Variants in CSMD1 observed in about 807,000 individuals in gnomAD.
The protein encoded by CSMD1 is CUB and Sushi multiple domains 1, also known as CUB and sushi domain-containing protein 1.
CSMD1 carries 213 observed loss-of-function variants against 417.5 expected under a neutral mutation model. That is an observed-to-expected ratio of 0.51 (90% CI 0.46 to 0.57). The LOEUF (loss-of-function observed/expected upper bound fraction) is 0.57. Among genes scored for constraint, CSMD1 ranks in the 20% least tolerant of loss-of-function variants. The probability of loss-of-function intolerance (pLI) is 0.00; values close to 1 mark genes in which losing one functional copy is unlikely to be tolerated. For missense variants in CSMD1, 6,923 were observed against 4,529.7 expected (o/e 1.53, Z -15.17); for synonymous variants, 2,862 against 1,736.8 (o/e 1.65, Z -16.11).
In CSMD1 at chr8:4,759,978, G is replaced by A. The variant is rs369320927; in HGVS notation, c.86-122420C>T. Among the ~76,000 whole-genome samples the A allele has an allele frequency of 3.9e-5, 6 of 152,276 alleles. No individual in the cohort carries two copies. In the South Asian group the frequency reaches 1.2e-3, roughly 32 times the overall value. On this transcript the variant is annotated intron_variant, in intron 1 of 69. Coordinates refer to ENST00000635120, the MANE Select transcript of CSMD1 (RefSeq NM_033225.6). ...GTATTTCTGGTTTTAGAACTTTGAGGAATCACCACAGTGTCTTCCACAATG... is the reference window on the plus strand; with the variant it reads ...GTATTTCTGGTTTTAGAACTTTGAGAAATCACCACAGTGTCTTCCACAATG...
chr8:4,338,183 T>C (rs936657959), intron 3 of CSMD1, among the ~76,000 whole-genome samples: 5 of 152,150 alleles, frequency 3.3e-5, no homozygotes, highest in African/African-American at 1.2e-4. Context: ...TTGGTACTAA[T>C]GCAAGAGTTA....
At chr8:3,123,383 A>G (rs144877064) in intron 41 of CSMD1, among the ~76,000 whole-genome samples, 3 of 152,286 alleles carry the variant, frequency 2.0e-5, no homozygotes, top group African/African-American at 7.2e-5. Flanking sequence ...CCTCCTCCCA[A>G]TACTGCTATT....
At chr8:3,849,196 A>G (rs144670478) in intron 5 of CSMD1, among the ~76,000 whole-genome samples, 166 of 152,272 alleles carry the variant, frequency 1.1e-3, no homozygotes, top group African/African-American at 3.3e-3. Flanking sequence ...TGAAAAATCA[A>G]CCTGGGAATG....
chr8:3,398,425 A>G (rs1811830127), intron 16 of CSMD1, among the ~76,000 whole-genome samples: 1 of 152,260 alleles, frequency 6.6e-6, no homozygotes, highest in Non-Finnish European at 1.5e-5. Flanking sequence ...AAGTGAAAAA[A>G]TAAAAATAAT....
At chr8:4,131,213 T>A (rs1281907316) in intron 3 of CSMD1, among the ~76,000 whole-genome samples, 1 of 152,194 alleles carries the variant, frequency 6.6e-6, no homozygotes, top group African/African-American at 2.4e-5. Flanking sequence ...AGACGCCATT[T>A]CTATAAGTAT....
chr8:3,995,131 A>G (rs771370594), intron 5 of CSMD1, among the ~76,000 whole-genome samples: 1 of 152,216 alleles, frequency 6.6e-6, no homozygotes, highest in Non-Finnish European at 1.5e-5. Flanking sequence ...GTAAAATAAT[A>G]GGCTTTTTAA....
intron 12 of CSMD1, among the ~76,000 whole-genome samples, chr8:3,451,423 T>A (rs1467483952): frequency 1.3e-5 from 2 of 152,212 alleles, no homozygotes; most frequent in Non-Finnish European, 2.9e-5. Flanking sequence ...TGCCTAGGTG[T>A]TCTTCTAGGG....
chr8:4,623,139 A>G (rs546201623), intron 2 of CSMD1, among the ~76,000 whole-genome samples: 58 of 152,278 alleles, frequency 3.8e-4, no homozygotes, highest in Middle Eastern at 3.4e-3. Context: ...AAGCTCTGAT[A>G]ACTCAAAGGG....
chr8:4,222,085 T>A (rs181720057), intron 3 of CSMD1, among the ~76,000 whole-genome samples: 6 of 139,344 alleles, frequency 4.3e-5, no homozygotes, highest in African/African-American at 1.6e-4. Flanking sequence ...AAGCCATTAG[T>A]GGAAGAAAGA....
chr8:4,613,467 C>G (rs1801299259), intron 2 of CSMD1, among the ~76,000 whole-genome samples: 1 of 152,184 alleles, frequency 6.6e-6, no homozygotes, highest in Non-Finnish European at 1.5e-5. Flanking sequence ...TGCACCTGTT[C>G]ACCATGGCCT....
chr8:3,831,076 G>C (rs1014734525), intron 5 of CSMD1, among the ~76,000 whole-genome samples: 1 of 152,066 alleles, frequency 6.6e-6, no homozygotes, highest in African/African-American at 2.4e-5. Flanking sequence ...CAGAAGAAAG[G>C]AATCAAATAT....
intron 1 of CSMD1, 98 bp downstream of exon 1, chr8:4,994,234 A>T: frequency 2.8e-6 from 3 of 1,080,966 alleles, no homozygotes; most frequent in Non-Finnish European, 4.1e-6. Flanking sequence ...AGAGGCGGCC[A>T]CTCCGTACCC....
intron 1 of CSMD1, among the ~76,000 whole-genome samples, chr8:4,739,687 G>C (rs1161279229): frequency 3.3e-5 from 5 of 152,100 alleles, no homozygotes; most frequent in African/African-American, 7.2e-5. Context: ...ATCACTTTTT[G>C]TCTAGCATTT....
At chr8:3,069,508 G>C (rs1258676810) in intron 49 of CSMD1, among the ~76,000 whole-genome samples, 1 of 152,092 alleles carries the variant, frequency 6.6e-6, no homozygotes, top group Non-Finnish European at 1.5e-5. Flanking sequence ...AGGGCAGTCA[G>C]TAAATCTTAA....
intron 3 of CSMD1, among the ~76,000 whole-genome samples, chr8:4,289,596 C>G (rs886470340): frequency 1.3e-5 from 2 of 152,168 alleles, no homozygotes; most frequent in African/African-American, 4.8e-5. Flanking sequence ...CTGGCAGTGA[C>G]GATGGTGCCG....
chr8:4,961,963 G>T (rs924320747), intron 1 of CSMD1, among the ~76,000 whole-genome samples: 41 of 151,632 alleles, frequency 2.7e-4, no homozygotes, highest in African/African-American at 9.2e-4. Flanking sequence ...GATATTTCTT[G>T]TCTTTGAATG....
intron 5 of CSMD1, among the ~76,000 whole-genome samples, chr8:3,818,752 G>A (rs1006280831): frequency 6.6e-6 from 1 of 152,130 alleles, no homozygotes; most frequent in African/African-American, 2.4e-5. Context: ...ATAGACAGAT[G>A]GTGTTAAAAC....
At position 3,301,035 on chromosome 8, in the gene CSMD1, A is replaced by C. The variant is rs1194264118; in HGVS notation, c.3950+6660T>G. Among the ~76,000 whole-genome samples the C allele has an allele frequency of 2.6e-5, 4 of 151,848 alleles. No individual in the cohort carries two copies. The East Asian group carries it at 5.8e-4, about 22-fold the overall frequency. ...CAAGCAACAAGAGAGACAATGTTTA[A>C]TGGTACATGTCCACACCACACAATA... On this transcript the variant is annotated intron_variant, in intron 25 of 69. Transcript: ENST00000635120.
intron 1 of CSMD1, among the ~76,000 whole-genome samples, chr8:4,769,651 G>A (rs948624821): frequency 3.3e-5 from 5 of 152,000 alleles, no homozygotes; most frequent in Non-Finnish European, 7.4e-5. Context: ...AAAAAGAAAC[G>A]GGAGGCTTGG....
Sources: gnomAD v4.1 joint callset for allele counts (sites outside exome capture counted in the v4.1 genomes callset) on GRCh38, gnomAD v4.1.1 for gene constraint, MANE v1.5 for transcripts, NCBI Gene and HGNC (gene_info 2026-07-23, HGNC 2026-07-21) for gene names.